PPP4R1: variants seen among roughly 807,000 people sequenced by gnomAD.
PPP4R1 encodes protein phosphatase 4 regulatory subunit 1.
Under a neutral mutation model 111.2 loss-of-function variants are expected in PPP4R1, and 42 were observed. The ratio of observed to expected loss-of-function variants is 0.38; its 90% CI spans 0.29 to 0.49. The LOEUF is 0.49. Among genes scored for constraint, PPP4R1 ranks in the 20% least tolerant of loss-of-function variants. The pLI, the probability that PPP4R1 is intolerant of heterozygous loss-of-function variation, is 0.97. For synonymous variants in PPP4R1, 409 were observed against 405.5 expected (o/e 1.01, Z -0.10); for missense variants, 1,012 against 1,161.6 (o/e 0.87, Z 1.87).
In PPP4R1 at chr18:9,549,340, TG is replaced by T; in HGVS notation, c.2548-3del. On this transcript the variant is annotated splice_polypyrimidine_tract_variant and splice_region_variant and intron_variant, in intron 18 of 19. Coordinates refer to ENST00000400556, the MANE Select transcript of PPP4R1 (RefSeq NM_001042388.3). The stretch of plus-strand genomic sequence containing the variant: ...AAGGCAGTCATCCTCAATGACAGTC[TG>T]GGGAAGAGAAACAGCTGCTCTAGGC... 1 of 1,596,116 alleles carries T rather than the reference TG, an allele frequency of 6.3e-7. No homozygotes were observed. The highest frequency in any genetic ancestry group is 8.6e-7 in the Non-Finnish European group (1 of 1,164,628).
intron 15 of PPP4R1, among the ~76,000 whole-genome samples, chr18:9,555,993 C>CAACA (rs1555665970): frequency 3.3e-5 from 4 of 120,788 alleles, no homozygotes; most frequent in African/African-American, 8.7e-5. Context: ...AACAAACAAA[C>CAACA]AAACAAAAAA....
chr18:9,570,221 G>C lies in PPP4R1; in HGVS notation c.1509C>G (p.Thr503=). ...CTATCATTTCTTCCAGTTCCTTTCTGGTGGCCATGGTGATGTTTGGAGAAC... is the reference window on the plus strand; with the variant it reads ...CTATCATTTCTTCCAGTTCCTTTCTCGTGGCCATGGTGATGTTTGGAGAAC... ...VPSSPNITMA[T]RKELEEMIEN... The change falls in exon 11 of 20, where the codon ACC becomes ACG. Residue 503 remains threonine (T), a synonymous_variant. Transcript: ENST00000400556. The C allele has an allele frequency of 6.4e-7, 1 of 1,572,852 alleles. No homozygotes were observed. The highest frequency in any genetic ancestry group is 8.6e-7 in the Non-Finnish European group (1 of 1,163,216).
At chr18:9,548,300 A>G (rs986190595) in intron 19 of PPP4R1, among the ~76,000 whole-genome samples, 16 of 148,300 alleles carry the variant, frequency 1.1e-4, no homozygotes, top group Admixed American at 8.7e-4. Context: ...AAAAAAGGAG[A>G]AAAAAAAATA....
chr18:9,570,492 T>C lies in PPP4R1; in HGVS notation c.1238A>G (p.Glu413Gly), dbSNP rs771612421. The C allele has an allele frequency of 6.2e-7, 1 of 1,614,228 alleles. No individual in the cohort carries two copies. Among genetic ancestry groups the C allele is most frequent in the Non-Finnish European group, 8.5e-7 (1 of 1,180,028 alleles). The part of the protein sequence containing the change: ...DSSLLCTLSS[E>G]SHQEAASNEN... ...ATTACTAGCTGCTTCCTGGTGAGAT[T>C]CTGAGGACAAAGTACAAAGTAAAGA... The change falls in exon 11 of 20, where the codon GAA (glutamate) becomes GGA (glycine). Residue 413 changes from glutamate (E) to glycine (G), a missense_variant. Around this residue, in one of 2 missense-constraint regions of PPP4R1, gnomAD observed 707 missense variants for 742.1 expected, o/e 0.95. Transcript: ENST00000400556.
At chr18:9,594,463 G>A (rs907032609) in intron 3 of PPP4R1, among the ~76,000 whole-genome samples, 1 of 151,902 alleles carries the variant, frequency 6.6e-6, no homozygotes, top group African/African-American at 2.4e-5. Flanking sequence ...TTATCACAAT[G>A]AAAAAACACA....
At chr18:9,581,129 CT>C (rs1384049576) in intron 9 of PPP4R1, among the ~76,000 whole-genome samples, 3 of 151,050 alleles carry the variant, frequency 2.0e-5, no homozygotes, top group African/African-American at 7.3e-5. Flanking sequence ...CACATATTAT[CT>C]AAAATGTTCA....
chr18:9,590,606 G>A (rs1447667938), intron 4 of PPP4R1, among the ~76,000 whole-genome samples: 1 of 152,044 alleles, frequency 6.6e-6, no homozygotes, highest in Non-Finnish European at 1.5e-5. Flanking sequence ...AGAAACAGAC[G>A]CATGCATGTA....
upstream of PPP4R1, among the ~76,000 whole-genome samples, chr18:9,616,280 T>TG (rs1331453385): frequency 3.4e-5 from 5 of 148,824 alleles, no homozygotes; most frequent in African/African-American, 1.2e-4. Context: ...AAAAAGCAAA[T>TG]TTTTTTTAGA....
intron 6 of PPP4R1, chr18:9,587,400 T>C (rs1459699884): frequency 6.9e-6 from 1 of 144,038 alleles, no homozygotes; most frequent in Non-Finnish European, 1.5e-5. Context: ...CTTTCTTTTT[T>C]TTTTTTTGTT....
At chr18:9,613,414 T>G (rs2067618302) in intron 2 of PPP4R1, 1 of 152,238 alleles carries the variant, frequency 6.6e-6, no homozygotes, top group South Asian at 2.1e-4. Context: ...CTTAGAAAAG[T>G]ACATATAAGA....
chr18:9,559,289 C>G, intron 14 of PPP4R1, 130 bp downstream of exon 14: 1 of 939,604 alleles, frequency 1.1e-6, no homozygotes, highest in Admixed American at 2.9e-5. Context: ...CTCTTAAGCT[C>G]TTCCATACAT....
At chr18:9,595,660 T>G (rs1351258214) in intron 2 of PPP4R1, among the ~76,000 whole-genome samples, 1 of 152,122 alleles carries the variant, frequency 6.6e-6, no homozygotes, top group Non-Finnish European at 1.5e-5. Context: ...GAAACAACAA[T>G]GAAAATACTA....
At chr18:9,577,305 A>G (rs2066952420) in intron 9 of PPP4R1, 114 bp from the exon 10 acceptor site, 5 of 1,168,262 alleles carry the variant, frequency 4.3e-6, no homozygotes, top group Non-Finnish European at 6.0e-6. Context: ...GTTTAGGATA[A>G]TAATGAAGCT....
chr18:9,614,159 G>A lies in PPP4R1; in HGVS notation c.52+67C>T. On this transcript the variant is annotated intron_variant, in intron 2 of 19. Transcript: ENST00000400556. This position sits in a 1 kb window ranked among gnomAD's most constrained non-coding sequence, Gnocchi z 4.1. ...CCAGCCAGGGCCCGGCCCAGGCCTC[G>A]CCGCCGCCCGCCCTCCCCGGCCGCT... 5 of 1,253,590 alleles carry A rather than the reference G, an allele frequency of 4.0e-6. No individual in the cohort carries two copies. Among genetic ancestry groups the A allele is most frequent in the Non-Finnish European group, 3.1e-6 (3 of 982,250 alleles). The allele number at this position is 1,253,590 out of a possible 1,614,324, so 77.7% of individuals were successfully genotyped here.
chr18:9,614,665 G>GC, upstream of PPP4R1: 1 of 145,734 alleles, frequency 6.9e-6, no homozygotes, highest in Non-Finnish European at 1.4e-5. This position sits in a 1 kb window ranked among gnomAD's most constrained non-coding sequence, Gnocchi z 4.1. Flanking sequence ...CGCGGCTCCC[G>GC]GCCGCCCGGG....
Position 9,574,118 on chromosome 18 carries a change from AT to A in PPP4R1, c.1046+2945del, listed in dbSNP as rs376075552. On this transcript the variant is annotated intron_variant, in intron 10 of 19. Transcript: ENST00000400556. ...TTTGAAATGCTATTGTACAAGACAA[AT>A]TTTTTTTTGAAAATTGAGGCCCTTT... is the stretch of plus-strand genomic sequence containing the variant. 9.9e-4 allele frequency among the ~76,000 whole-genome samples: 151 copies of A among 151,790 alleles called. No homozygotes were observed. The Middle Eastern group carries it at 0.01, about 10-fold the overall frequency.
intron 10 of PPP4R1, among the ~76,000 whole-genome samples, chr18:9,571,723 C>A (rs1292912680): frequency 6.6e-6 from 1 of 152,116 alleles, no homozygotes; most frequent in African/African-American, 2.4e-5. Flanking sequence ...ACAGGACATG[C>A]AAAGGCCGGA....
intron 11 of PPP4R1, among the ~76,000 whole-genome samples, chr18:9,564,739 G>GTGTGTGTGTGT (rs1568094920): frequency 0.011 from 195 of 17,374 alleles, 2 homozygotes; most frequent in East Asian, 0.033. Flanking sequence ...TGTGTGTGTG[G>GTGTGTGTGTGT]GGGTATCATC....
At chr18:9,564,627 C>T (rs1430631233) in intron 11 of PPP4R1, among the ~76,000 whole-genome samples, 4 of 151,226 alleles carry the variant, frequency 2.6e-5, no homozygotes, top group Non-Finnish European at 4.4e-5. Context: ...CCAAGCCAAA[C>T]CAAAACAGTA....
Sources: gnomAD v4.1 joint callset for allele counts (sites outside exome capture counted in the v4.1 genomes callset) on GRCh38, gnomAD v4.1.1 for gene constraint, gnomAD v4.1.1 regional missense constraint, Gnocchi (gnomAD v3.1) non-coding constraint, MANE v1.5 for transcripts, NCBI Gene and HGNC (gene_info 2026-07-23, HGNC 2026-07-21) for gene names.